PRR14L: variants seen among roughly 807,000 people sequenced by gnomAD.
PRR14L encodes proline rich 14 like.
A neutral mutation model predicts 155.0 loss-of-function variants in PRR14L; 80 were observed. That is an observed-to-expected ratio of 0.52 (90% confidence interval 0.43 to 0.62). PRR14L has a LOEUF of 0.62. Among genes scored for constraint, PRR14L ranks in the 20% least tolerant of loss-of-function variants. PRR14L has a pLI of 0.00. For synonymous variants in PRR14L, 883 were observed against 916.0 expected (o/e 0.96, Z 0.65); for missense variants, 2,469 against 2,548.0 (o/e 0.97, Z 0.67).
At chr22:31,705,622 T>A (rs1188723358) in intron 4 of PRR14L, among the ~76,000 whole-genome samples, 1 of 151,758 alleles carries the variant, frequency 6.6e-6, no homozygotes, top group Non-Finnish European at 1.5e-5. Context: ...TCCGCCCACC[T>A]TAAATTCCCA....
chr22:31,734,932 A>T (rs1481376303), intron 2 of PRR14L, among the ~76,000 whole-genome samples: 1 of 152,244 alleles, frequency 6.6e-6, no homozygotes, highest in East Asian at 1.9e-4. Flanking sequence ...TTCCTGGAAC[A>T]AAGTCAATTC....
chr22:31,719,350 T>A (rs1333043088), intron 3 of PRR14L, among the ~76,000 whole-genome samples: 2 of 151,350 alleles, frequency 1.3e-5, no homozygotes, highest in East Asian at 3.9e-4. Flanking sequence ...ACGTCAAGGC[T>A]GCAATAAGCT....
chr22:31,724,721 C>T (rs1223006079), intron 3 of PRR14L, among the ~76,000 whole-genome samples: 1 of 152,162 alleles, frequency 6.6e-6, no homozygotes, highest in African/African-American at 2.4e-5. Context: ...TTAGCCTTGA[C>T]ACATAGACCT....
At chr22:31,686,703 C>T (rs74525383) in intron 8 of PRR14L, among the ~76,000 whole-genome samples, 2,807 of 151,690 alleles carry the variant, frequency 0.019, 94 homozygotes, top group African/African-American at 0.063. Context: ...CAAAGTGGTG[C>T]GATTACAGGC....
intron 2 of PRR14L, among the ~76,000 whole-genome samples, chr22:31,734,628 C>T (rs759677730): frequency 6.6e-6 from 1 of 152,218 alleles, no homozygotes; most frequent in African/African-American, 2.4e-5. Context: ...AGGACCACTT[C>T]TGCTGAATGA....
At chr22:31,741,628 T>C (rs765730650) in intron 1 of PRR14L, among the ~76,000 whole-genome samples, 1 of 152,168 alleles carries the variant, frequency 6.6e-6, no homozygotes, top group East Asian at 1.9e-4. Flanking sequence ...TCCCAGCACT[T>C]TGGGAGGCCC....
rs756997972 is a variant in PRR14L, at chr22:31,715,830, G to A, written c.2009C>T (p.Ser670Phe). The A allele has an allele frequency of 2.6e-6, 4 of 1,551,656 alleles. No homozygotes were observed. Among genetic ancestry groups the A allele is most frequent in the Non-Finnish European group, 3.5e-6 (4 of 1,146,936 alleles). The change falls in exon 4 of 9, where the codon TCT becomes TTT. Residue 670 changes from serine to phenylalanine, a missense_variant. By Grantham distance (155) the Ser-to-Phe change is radical. Around this residue, in one of 2 missense-constraint regions of PRR14L, gnomAD observed 2,363 missense variants for 2,371.6 expected, o/e 1.00. Transcript: ENST00000327423. Reference protein sequence around the residue: ...SQEHANLPTDSLLHLNKEMPL... With the variant: ...SQEHANLPTDFLLHLNKEMPL... ...CATCTCTTTGTTTAAATGCAGTAGA[G>A]AGTCAGTTGGCAAATTTGCATGTTC...
chr22:31,733,019 C>A, intron 2 of PRR14L, among the ~76,000 whole-genome samples: 1 of 145,642 alleles, frequency 6.9e-6, no homozygotes. Flanking sequence ...CAGAGTTTTG[C>A]TCTTGTCACC....
rs1446087662 is a variant in PRR14L, at chr22:31,738,876, T to C, written c.-16A>G. 1 of 1,476,370 alleles carries C rather than the reference T, an allele frequency of 6.8e-7. No individual in the cohort carries two copies. The highest frequency in any genetic ancestry group is 9.1e-7 in the Non-Finnish European group (1 of 1,096,196). 91.5% of individuals were successfully genotyped at this position (1,476,370 alleles called of 1,614,324 possible). On this transcript the variant is annotated 5_prime_UTR_variant, in exon 2 of 9. Coordinates refer to ENST00000327423, the MANE Select transcript of PRR14L (RefSeq NM_173566.3). ...ATGACAGCATTAGGACAGATGCAGA[T>C]TATGGAGTCAAGTCTTTTACATCAA...
At chr22:31,735,697 G>T (rs2147874545) in intron 2 of PRR14L, among the ~76,000 whole-genome samples, 1 of 150,374 alleles carries the variant, frequency 6.7e-6, no homozygotes, top group East Asian at 2.0e-4. Flanking sequence ...ACATCAAGAA[G>T]TAACACAATA....
At position 31,687,319 on chromosome 22, in the gene PRR14L, A is replaced by G. The variant is rs533331400; in HGVS notation, c.6179+837T>C. On this transcript the variant is annotated intron_variant, in intron 8 of 8. Transcript: ENST00000327423. ...CCAAAGTGCTTGAATTACAGGTGTC[A>G]GCCACTGCACCTGGCTGAGACTACA... 1.6e-3 allele frequency among the ~76,000 whole-genome samples: 246 copies of G among 150,280 alleles called. 1 individual carries two copies. The highest frequency in any genetic ancestry group is 2.8e-3 in the Non-Finnish European group (192 of 67,796).
intron 1 of PRR14L, among the ~76,000 whole-genome samples, chr22:31,743,488 T>TA (rs1260775424): frequency 6.6e-6 from 1 of 152,054 alleles, no homozygotes; most frequent in Non-Finnish European, 1.5e-5. Flanking sequence ...AATTAAATCT[T>TA]AAAAAAATGA....
At chr22:31,690,115 C>T (rs1457604972) in intron 7 of PRR14L, among the ~76,000 whole-genome samples, 8 of 152,178 alleles carry the variant, frequency 5.3e-5, no homozygotes, top group Non-Finnish European at 8.8e-5. Context: ...TAGGGTATCA[C>T]CACATTGGCC....
At chr22:31,725,683 A>T (rs564369136) in intron 2 of PRR14L, 73 bp from the exon 3 acceptor site, 141 of 920,028 alleles carry the variant, frequency 1.5e-4, no homozygotes, top group African/African-American at 4.4e-4. Flanking sequence ...TATTATTATT[A>T]TTTTTTGAGA....
intron 1 of PRR14L, among the ~76,000 whole-genome samples, chr22:31,744,977 T>C (rs1448293818): frequency 1.3e-5 from 2 of 152,210 alleles, no homozygotes; most frequent in Non-Finnish European, 2.9e-5. Context: ...CTTTTTCTCC[T>C]GGACTAATTC....
In PRR14L at chr22:31,719,080, CAAAG is replaced by C. The variant is rs142330748; in HGVS notation, c.548-1793_548-1790del. 1.2e-3 allele frequency among the ~76,000 whole-genome samples: 178 copies of C among 150,856 alleles called. 1 individual carries two copies. Among genetic ancestry groups the C allele is most frequent in the Admixed American group, 1.9e-3 (29 of 15,146 alleles). ...CAGAGCAAGACTCTGTCTCAAAAAACAAAGAACAAAACAAAACAAAACAAAACAA... is the reference window on the plus strand; with the variant it reads ...CAGAGCAAGACTCTGTCTCAAAAAACAACAAAACAAAACAAAACAAAACAA... On this transcript the variant is annotated intron_variant, in intron 3 of 8. Coordinates refer to ENST00000327423, the MANE Select transcript of PRR14L (RefSeq NM_173566.3).
chr22:31,733,502 AC>A (rs2074762143), intron 2 of PRR14L, among the ~76,000 whole-genome samples: 1 of 151,580 alleles, frequency 6.6e-6, no homozygotes, highest in Non-Finnish European at 1.5e-5. Flanking sequence ...ACAGGCTTTC[AC>A]CATGTTGCCC....
intron 4 of PRR14L, among the ~76,000 whole-genome samples, chr22:31,705,410 G>A (rs540515748): frequency 1.4e-4 from 21 of 152,008 alleles, no homozygotes; most frequent in African/African-American, 4.8e-4. Context: ...GTCTTGTTCC[G>A]TTGCCCAGGC....
chr22:31,734,255 G>A lies in PRR14L; in HGVS notation c.474+4132C>T, dbSNP rs545562573. The stretch of plus-strand genomic sequence containing the variant: ...CAAAGTGCTGAGATTACAGGTGTGA[G>A]CCACCACACCTAGCCCAAGTCTTAT... On this transcript the variant is annotated intron_variant, in intron 2 of 8. Transcript: ENST00000327423. Among the ~76,000 whole-genome samples the A allele has an allele frequency of 1.3e-4, 20 of 152,276 alleles. No homozygotes were observed. The South Asian group carries it at 1.9e-3, about 14-fold the overall frequency.
Sources: allele counts gnomAD v4.1 joint callset (sites outside exome capture counted in the v4.1 genomes callset), GRCh38; gene constraint gnomAD v4.1.1; regional missense constraint gnomAD v4.1.1; transcripts MANE v1.5; gene names NCBI Gene and HGNC (gene_info 2026-07-23, HGNC 2026-07-21).